Variants in DDAH1 observed in about 807,000 individuals in gnomAD.
DDAH1 encodes the protein N(G),N(G)-dimethylarginine dimethylaminohydrolase 1.
A neutral mutation model predicts 28.8 loss-of-function variants in DDAH1; 19 were observed. The observed-to-expected ratio is 0.66, with a 90% CI of 0.46 to 0.97. The LOEUF (loss-of-function observed/expected upper bound fraction) is 0.97, where lower values mean the gene tolerates loss of function less well. Ranked by LOEUF, DDAH1 falls within the 50% of genes least tolerant of loss-of-function variation. DDAH1 has a pLI of 0.00. For missense variants in DDAH1, 326 were observed against 375.9 expected, an observed-to-expected ratio of 0.87 and a Z score of 1.10; for synonymous variants, 153 against 154.4, an observed-to-expected ratio of 0.99 and a Z score of 0.07.
chr1:85,451,598 G>C (rs189095348), intron 1 of DDAH1, among the ~76,000 whole-genome samples: 130 of 152,240 alleles, frequency 8.5e-4, no homozygotes, highest in Admixed American at 2.9e-3. Flanking sequence ...GAAAGGAAGA[G>C]AACGCCCCCT....
intron 4 of DDAH1, among the ~76,000 whole-genome samples, chr1:85,333,716 C>T (rs368832254): frequency 4.0e-5 from 6 of 151,444 alleles, no homozygotes; most frequent in Non-Finnish European, 2.9e-5. Context: ...CAACAGGATA[C>T]TAAATCAAGA....
intron 4 of DDAH1, among the ~76,000 whole-genome samples, chr1:85,340,860 CCTCT>C (rs921996599): frequency 6.6e-6 from 1 of 152,106 alleles, no homozygotes; most frequent in African/African-American, 2.4e-5. Flanking sequence ...GTATCTTTCA[CCTCT>C]CTCTCTGTTT....
chr1:85,376,746 T>TG (rs1491171211), intron 1 of DDAH1: 8 of 111,448 alleles, frequency 7.2e-5, no homozygotes, highest in African/African-American at 2.4e-4. Context: ...AAATAAAGTG[T>TG]TTTTTTTTTT....
intron 1 of DDAH1, among the ~76,000 whole-genome samples, chr1:85,552,733 A>G (rs1243503603): frequency 6.6e-6 from 1 of 152,176 alleles, no homozygotes; most frequent in African/African-American, 2.4e-5. Flanking sequence ...GAGTAGACAA[A>G]ATAACTGACT....
At chr1:85,356,527 G>C (rs1649496239) in intron 2 of DDAH1, among the ~76,000 whole-genome samples, 1 of 152,078 alleles carries the variant, frequency 6.6e-6, no homozygotes, top group African/African-American at 2.4e-5. Flanking sequence ...CTTAATAATG[G>C]TTAAAATTGC....
At chr1:85,476,107 C>G (rs970382178) in intron 2 of DDAH1, among the ~76,000 whole-genome samples, 26 of 152,194 alleles carry the variant, frequency 1.7e-4, no homozygotes, top group African/African-American at 6.3e-4. Flanking sequence ...AGTGATCTGT[C>G]TGCCTCAACC....
At chr1:85,451,523 G>A (rs1410296450) in intron 1 of DDAH1, among the ~76,000 whole-genome samples, 13 of 152,132 alleles carry the variant, frequency 8.5e-5, no homozygotes, top group Admixed American at 3.9e-4. Flanking sequence ...AGGCCACACA[G>A]CTAATAAGCA....
chr1:85,336,135 T>G (rs913566003), intron 4 of DDAH1, among the ~76,000 whole-genome samples: 1 of 152,182 alleles, frequency 6.6e-6, no homozygotes, highest in African/African-American at 2.4e-5. Flanking sequence ...AGATTTAAAC[T>G]GCACTTTAGA....
At chr1:85,429,495 T>C (rs898056022) in intron 1 of DDAH1, among the ~76,000 whole-genome samples, 1 of 152,226 alleles carries the variant, frequency 6.6e-6, no homozygotes, top group Non-Finnish European at 1.5e-5. Flanking sequence ...TGTGTCTTTA[T>C]AGTAGAATGA....
intron 2 of DDAH1, among the ~76,000 whole-genome samples, chr1:85,478,984 C>T (rs1008092821): frequency 1.3e-5 from 2 of 152,050 alleles, no homozygotes; most frequent in African/African-American, 2.4e-5. Flanking sequence ...CTAATACATG[C>T]TTTAAAAGAA....
chr1:85,377,902 ATC>A (rs1650767202), intron 1 of DDAH1, among the ~76,000 whole-genome samples: 1 of 152,152 alleles, frequency 6.6e-6, no homozygotes, highest in Non-Finnish European at 1.5e-5. Context: ...TTTGTATTTG[ATC>A]TCTAATTTCT....
At chr1:85,469,935 G>A (rs561727432), upstream of DDAH1, among the ~76,000 whole-genome samples, 1 of 152,242 alleles carries the variant, frequency 6.6e-6, no homozygotes, top group Non-Finnish European at 1.5e-5. Flanking sequence ...AGCTATTTCT[G>A]TTCTGGTTGG....
chr1:85,379,312 G>A (rs1039910966), intron 1 of DDAH1, among the ~76,000 whole-genome samples: 2 of 152,076 alleles, frequency 1.3e-5, no homozygotes, highest in African/African-American at 4.8e-5. Flanking sequence ...CCACAGCATC[G>A]GCCTCCCACT....
At chr1:85,355,487 C>A (rs965783910) in intron 2 of DDAH1, among the ~76,000 whole-genome samples, 1 of 152,032 alleles carries the variant, frequency 6.6e-6, no homozygotes, top group African/African-American at 2.4e-5. Context: ...AAAGAGAATA[C>A]ATCATGATCA....
At chr1:85,483,121 G>A (rs1335528892) in intron 2 of DDAH1, among the ~76,000 whole-genome samples, 3 of 130,510 alleles carry the variant, frequency 2.3e-5, no homozygotes, top group Non-Finnish European at 5.5e-5. Flanking sequence ...GGCTTAGGCA[G>A]GAAAACCGCT....
At chr1:85,346,443 C>T (rs944123002) in intron 4 of DDAH1, among the ~76,000 whole-genome samples, 10 of 152,136 alleles carry the variant, frequency 6.6e-5, no homozygotes, top group African/African-American at 1.9e-4. Context: ...CAGACAAGCT[C>T]GGCTAGAACC....
Position 85,321,309 on chromosome 1 carries a change from A to C in DDAH1, c.*143T>G, listed in dbSNP as rs1661330565. The C allele has an allele frequency of 4.6e-6, 3 of 653,924 alleles. No individual in the cohort carries two copies. Among genetic ancestry groups the C allele is most frequent in the Admixed American group, 2.3e-5 (1 of 44,300 alleles). 40.5% of individuals were successfully genotyped at this position (653,924 alleles called of 1,614,324 possible). A position where few individuals can be genotyped will look rare whatever the true frequency, so the allele number is the denominator to read the frequency against. ...GGAGGGTGGGGGTGTTGAATGAAGC[A>C]ATTCAACTTAGAATCAAATTTTGTA... is the stretch of plus-strand genomic sequence containing the variant. On this transcript the variant is annotated 3_prime_UTR_variant, in exon 6 of 6. Transcript: ENST00000284031.
intron 1 of DDAH1, among the ~76,000 whole-genome samples, chr1:85,543,670 T>C (rs975709295): frequency 6.6e-6 from 1 of 152,160 alleles, no homozygotes; most frequent in Non-Finnish European, 1.5e-5. Flanking sequence ...CATGGCACCA[T>C]CTTTGTACTA....
chr1:85,564,731 A>G (rs1432250804), intron 1 of DDAH1, among the ~76,000 whole-genome samples: 3 of 151,690 alleles, frequency 2.0e-5, no homozygotes, highest in Non-Finnish European at 4.4e-5. Context: ...TGAGCCAGGC[A>G]TGGTGGCGGG....
Sources: gnomAD v4.1 joint callset for allele counts (sites outside exome capture counted in the v4.1 genomes callset) on GRCh38, gnomAD v4.1.1 for gene constraint, MANE v1.5 for transcripts, NCBI Gene and HGNC (gene_info 2026-07-23, HGNC 2026-07-21) for gene names.